EMC2: variants seen among roughly 807,000 people sequenced by gnomAD.
EMC2 encodes ER membrane protein complex subunit 2, also known as TPR repeat protein 35.
Under a neutral mutation model 51.6 loss-of-function variants are expected in EMC2, and 37 were observed. The observed-to-expected ratio is 0.72, with a 90% CI of 0.55 to 0.94. EMC2 has a LOEUF of 0.94. Among genes scored for constraint, EMC2 ranks in the 40% least tolerant of loss-of-function variants. EMC2 has a pLI of 0.00. For missense variants in EMC2, 359 were observed against 350.9 expected (o/e 1.02, Z -0.18); for synonymous variants, 131 against 112.4 (o/e 1.17, Z -1.04).
intron 10 of EMC2, among the ~76,000 whole-genome samples, chr8:108,484,903 A>G (rs908082661): frequency 1.3e-5 from 2 of 152,080 alleles, no homozygotes; most frequent in African/African-American, 4.8e-5. Context: ...TGCTGTTACC[A>G]TATTTAACAT....
At chr8:108,485,458 T>TATATAATATATATAGGTAAC (rs1196791206) in intron 10 of EMC2, among the ~76,000 whole-genome samples, 21 of 145,648 alleles carry the variant, frequency 1.4e-4, no homozygotes, top group African/African-American at 4.2e-4. Flanking sequence ...TATATACATA[T>TATATAATATATATAGGTAAC]ATATAATATA....
In EMC2 at chr8:108,486,511, G is replaced by C; in HGVS notation, c.808-1G>C. The C allele has an allele frequency of 8.8e-7, 1 of 1,130,848 alleles. No homozygotes were observed. Among genetic ancestry groups the C allele is most frequent in the Non-Finnish European group, 1.2e-6 (1 of 856,782 alleles). The allele number at this position is 1,130,848 out of a possible 1,614,324, so 70.1% of individuals were successfully genotyped here. ...AGCTTTTTTTTTTTTTTTTTAATTA[G>C]TTTGCAGGTCGAAGTAAGAAGGAAA... is the stretch of plus-strand genomic sequence containing the variant. On this transcript the variant is annotated splice_acceptor_variant, in intron 10 of 10. Coordinates refer to ENST00000220853, the MANE Select transcript of EMC2 (RefSeq NM_014673.5). LOFTEE classifies it high-confidence loss of function.
chr8:108,463,807 G>A (rs1382250206), intron 5 of EMC2, among the ~76,000 whole-genome samples: 3 of 151,004 alleles, frequency 2.0e-5, no homozygotes, highest in Admixed American at 6.6e-5. Flanking sequence ...AGACTGCCTA[G>A]AAAAGTCTGA....
At chr8:108,445,105 C>A (rs1818846437) in intron 1 of EMC2, among the ~76,000 whole-genome samples, 1 of 152,114 alleles carries the variant, frequency 6.6e-6, no homozygotes, top group South Asian at 2.1e-4. Context: ...TACCAACAGA[C>A]AAGGTGATTT....
At chr8:108,479,141 G>A in intron 10 of EMC2, 31 bp downstream of exon 10, 1 of 1,285,902 alleles carries the variant, frequency 7.8e-7, no homozygotes, top group South Asian at 1.5e-5. Context: ...TTGCTATGTA[G>A]GTCAGTTAAT....
intron 10 of EMC2, among the ~76,000 whole-genome samples, chr8:108,482,688 A>T (rs1563703525): frequency 1.3e-5 from 2 of 151,968 alleles, no homozygotes; most frequent in Non-Finnish European, 2.9e-5. Context: ...AGGTTGAGTT[A>T]TCCTCCTGCC....
intron 5 of EMC2, among the ~76,000 whole-genome samples, chr8:108,465,953 G>A (rs1416980261): frequency 6.6e-6 from 1 of 152,132 alleles, no homozygotes; most frequent in Non-Finnish European, 1.5e-5. Context: ...AATGGTGAAA[G>A]GGAGTGATAG....
chr8:108,463,020 CT>C (rs1484434766), intron 5 of EMC2, among the ~76,000 whole-genome samples: 7 of 152,172 alleles, frequency 4.6e-5, no homozygotes, highest in African/African-American at 1.7e-4. Context: ...GCCTAGTTAA[CT>C]TTCTCCTCCT....
At chr8:108,482,134 T>A (rs1026383323) in intron 10 of EMC2, among the ~76,000 whole-genome samples, 2 of 152,190 alleles carry the variant, frequency 1.3e-5, no homozygotes, top group Non-Finnish European at 2.9e-5. Flanking sequence ...AGAGTTCTAA[T>A]AGCCCCACAT....
chr8:108,486,195 A>G (rs943664456), intron 10 of EMC2, among the ~76,000 whole-genome samples: 4 of 79,528 alleles, frequency 5.0e-5, no homozygotes, highest in Non-Finnish European at 7.2e-5. Context: ...TTAAAATTAT[A>G]CTTTTTATTT....
Position 108,488,928 on chromosome 8 carries a change from T to TA in EMC2, c.*2336dup, listed in dbSNP as rs1190985819. Among the ~76,000 whole-genome samples the TA allele has an allele frequency of 1.3e-5, 2 of 152,146 alleles. No homozygotes were observed. ...ACTGAGAAGGGCTTTCCTTTCAAATTAAAAAATCAGAGCTTTGTGTGGTAA... is the reference window on the plus strand; with the variant it reads ...ACTGAGAAGGGCTTTCCTTTCAAATTAAAAAAATCAGAGCTTTGTGTGGTAA... On this transcript the variant is annotated 3_prime_UTR_variant, in exon 11 of 11. Coordinates refer to ENST00000220853, the MANE Select transcript of EMC2 (RefSeq NM_014673.5).
chr8:108,445,569 C>T (rs566204343), intron 1 of EMC2, among the ~76,000 whole-genome samples: 2 of 152,030 alleles, frequency 1.3e-5, no homozygotes, highest in East Asian at 3.9e-4. Context: ...TCTACTACCC[C>T]CTTCCCTTTC....
intron 5 of EMC2, chr8:108,464,242 T>C (rs918295525): frequency 6.6e-6 from 1 of 152,196 alleles, no homozygotes; most frequent in African/African-American, 2.4e-5. Flanking sequence ...AGTAGTTAAC[T>C]GAAAAAGGGT....
At chr8:108,461,719 G>T (rs1327340113) in intron 5 of EMC2, among the ~76,000 whole-genome samples, 1 of 152,034 alleles carries the variant, frequency 6.6e-6, no homozygotes, top group Non-Finnish European at 1.5e-5. Flanking sequence ...ATACTCTATT[G>T]AGAAAGTCAT....
intron 5 of EMC2, 37 bp from the exon 6 acceptor site, chr8:108,469,789 C>T (rs1237755943): frequency 9.7e-6 from 15 of 1,540,554 alleles, no homozygotes; most frequent in Non-Finnish European, 1.3e-5. Context: ...CCCAAGGAAT[C>T]ATAAGGGCCT....
chr8:108,453,075 A>C lies in EMC2; in HGVS notation c.233A>C (p.Glu78Ala). ...RDDLALFCLQ[E>A]LRRQFPGSHR... The stretch of plus-strand genomic sequence containing the variant: ...TTATTTTTTCAGTTTTGTCTTCAAG[A>C]GCTGAGAAGACAGTTCCCTGGCAGT... The change falls in exon 4 of 11, where the codon GAG becomes GCG. Residue 78 changes from glutamate to alanine, a missense_variant. Transcript: ENST00000220853. 1 of 1,592,656 alleles carries C rather than the reference A, an allele frequency of 6.3e-7. No homozygotes were observed.
chr8:108,443,650 T>G lies in EMC2; in HGVS notation c.-9T>G, dbSNP rs369984555. 5.6e-6 allele frequency: 9 copies of G among 1,608,398 alleles called. No homozygotes were observed. The highest frequency in any genetic ancestry group is 1.1e-5 in the South Asian group (1 of 89,920). On this transcript the variant is annotated 5_prime_UTR_variant, in exon 1 of 11. Coordinates refer to ENST00000220853, the MANE Select transcript of EMC2 (RefSeq NM_014673.5). ...CCCTCTCACCCCGCTGCCTCTAGGT[T>G]CTGGGAAGATGGCGAAGGTCTCAGA...
chr8:108,477,975 G>A (rs1033970714), intron 9 of EMC2, among the ~76,000 whole-genome samples: 1 of 151,982 alleles, frequency 6.6e-6, no homozygotes, highest in Non-Finnish European at 1.5e-5. Flanking sequence ...CTAAATGATC[G>A]AGTTGGGTTT....
intron 1 of EMC2, among the ~76,000 whole-genome samples, chr8:108,449,436 C>G (rs768631909): frequency 1.3e-5 from 2 of 152,166 alleles, no homozygotes; most frequent in Non-Finnish European, 2.9e-5. Flanking sequence ...CCATAGTTGG[C>G]TAATTTTTGT....
Sources: gnomAD v4.1 joint callset for allele counts (sites outside exome capture counted in the v4.1 genomes callset) on GRCh38, gnomAD v4.1.1 for gene constraint, MANE v1.5 for transcripts, NCBI Gene and HGNC (gene_info 2026-07-23, HGNC 2026-07-21) for gene names.